The following ERC2 variants were observed in gnomAD, a reference collection of about 807,000 sequenced individuals.
The protein encoded by ERC2 is ELKS/RAB6-interacting/CAST family member 2, also known as ERC protein 2.
In ERC2, 42 loss-of-function variants were observed where a neutral mutation model predicts 114.8. That is an observed-to-expected ratio of 0.37 (90% confidence interval 0.29 to 0.47). ERC2 has a LOEUF of 0.47. ERC2 is among the 20% of genes least tolerant of loss of function. The pLI is 0.99. For synonymous variants in ERC2, 454 were observed against 425.5 expected, an observed-to-expected ratio of 1.07 and a Z score of -0.82; for missense variants, 939 against 1,150.7, an observed-to-expected ratio of 0.82 and a Z score of 2.66.
intron 6 of ERC2, among the ~76,000 whole-genome samples, chr3:56,127,984 C>CTAAAATG (rs2079977494): frequency 6.6e-6 from 1 of 151,952 alleles, no homozygotes; most frequent in Non-Finnish European, 1.5e-5. Context: ...TGTCTAAAAA[C>CTAAAATG]TAAAATGTAA....
chr3:55,639,610 T>C (rs2060092410), intron 17 of ERC2, among the ~76,000 whole-genome samples: 1 of 152,160 alleles, frequency 6.6e-6, no homozygotes, highest in Non-Finnish European at 1.5e-5. Context: ...GCCTGAAAGC[T>C]CTGTTGCTTA....
chr3:55,572,513 T>C (rs990629427), intron 17 of ERC2, among the ~76,000 whole-genome samples: 2 of 152,250 alleles, frequency 1.3e-5, no homozygotes, highest in African/African-American at 4.8e-5. Context: ...ATATCTGGAA[T>C]CTTCTAGAAA....
intron 3 of ERC2, among the ~76,000 whole-genome samples, chr3:56,291,878 T>C (rs999112038): frequency 2.4e-4 from 37 of 151,056 alleles, no homozygotes; most frequent in Middle Eastern, 3.5e-3. Flanking sequence ...GTAGAGAATA[T>C]GGAAATAGCT....
intron 7 of ERC2, among the ~76,000 whole-genome samples, chr3:56,035,305 A>G (rs920851569): frequency 2.0e-5 from 3 of 152,214 alleles, no homozygotes; most frequent in African/African-American, 4.8e-5. Flanking sequence ...CAGACCACTG[A>G]GTAAGGAAAT....
At chr3:56,262,528 T>C (rs1234703712) in intron 3 of ERC2, among the ~76,000 whole-genome samples, 1 of 152,204 alleles carries the variant, frequency 6.6e-6, no homozygotes, top group African/African-American at 2.4e-5. Context: ...TAAAAGACAG[T>C]AGTGTAAAGG....
At chr3:56,109,496 T>C (rs979325075) in intron 6 of ERC2, among the ~76,000 whole-genome samples, 1 of 152,112 alleles carries the variant, frequency 6.6e-6, no homozygotes, top group East Asian at 1.9e-4. Context: ...CATGCATGAG[T>C]CTTAAAATAG....
chr3:55,986,681 C>A (rs778351469), intron 11 of ERC2, among the ~76,000 whole-genome samples: 1 of 151,856 alleles, frequency 6.6e-6, no homozygotes, highest in Non-Finnish European at 1.5e-5. Flanking sequence ...GTCAGAAATA[C>A]GAAGTTCCGA....
intron 2 of ERC2, among the ~76,000 whole-genome samples, chr3:56,337,257 T>TA (rs562227251): frequency 2.6e-5 from 4 of 152,330 alleles, no homozygotes; most frequent in African/African-American, 9.6e-5. Context: ...CCCACAAGTA[T>TA]AAGCAGAAAG....
chr3:55,577,134 C>T (rs995478146), intron 17 of ERC2, among the ~76,000 whole-genome samples: 1 of 152,182 alleles, frequency 6.6e-6, no homozygotes, highest in Non-Finnish European at 1.5e-5. Context: ...AAAAAAATCC[C>T]CTCCTGCTCT....
intron 6 of ERC2, among the ~76,000 whole-genome samples, chr3:56,091,343 A>G (rs1000858322): frequency 2.6e-5 from 4 of 152,226 alleles, no homozygotes; most frequent in Non-Finnish European, 4.4e-5. Flanking sequence ...TGCTAGCTGG[A>G]AAAACTCAGT....
intron 14 of ERC2, among the ~76,000 whole-genome samples, chr3:55,765,650 C>T (rs1245462260): frequency 1.3e-5 from 2 of 152,094 alleles, no homozygotes; most frequent in East Asian, 3.9e-4. Flanking sequence ...GCTTTTTTCC[C>T]TGAGGTTGAG....
chr3:55,846,685 C>CTCTCTT (rs1553702552), intron 14 of ERC2, among the ~76,000 whole-genome samples: 12 of 109,790 alleles, frequency 1.1e-4, no homozygotes, highest in Non-Finnish European at 1.6e-4. Flanking sequence ...CTCTCTCTCT[C>CTCTCTT]TCTCTCTTTC....
At chr3:56,266,868 T>C (rs911771628) in intron 3 of ERC2, among the ~76,000 whole-genome samples, 10 of 152,186 alleles carry the variant, frequency 6.6e-5, no homozygotes, top group Admixed American at 5.9e-4. Flanking sequence ...ATCCTTCTTC[T>C]AGATATATAC....
intron 2 of ERC2, among the ~76,000 whole-genome samples, chr3:56,401,236 G>A (rs957374868): frequency 1.3e-5 from 2 of 152,148 alleles, no homozygotes; most frequent in African/African-American, 4.8e-5. Context: ...GAAGTAAGTA[G>A]ACTACACAGG....
intron 17 of ERC2, among the ~76,000 whole-genome samples, chr3:55,550,886 G>T (rs1327734269): frequency 6.6e-6 from 1 of 151,784 alleles, no homozygotes; most frequent in Non-Finnish European, 1.5e-5. Flanking sequence ...CGTGGTGGTG[G>T]GTGCCTGTAG....
At chr3:56,450,715 T>C (rs2062789824) in intron 1 of ERC2, among the ~76,000 whole-genome samples, 1 of 152,028 alleles carries the variant, frequency 6.6e-6, no homozygotes, top group African/African-American at 2.4e-5. Context: ...GTTGTAGTCC[T>C]AGCTACTTGG....
intron 13 of ERC2, among the ~76,000 whole-genome samples, chr3:55,941,328 T>G (rs915576691): frequency 6.6e-6 from 1 of 152,096 alleles, no homozygotes; most frequent in Non-Finnish European, 1.5e-5. Context: ...ACCAAGACAG[T>G]CTCCAAGTGC....
At chr3:56,032,354 C>A (rs2074423473) in intron 7 of ERC2, among the ~76,000 whole-genome samples, 1 of 152,098 alleles carries the variant, frequency 6.6e-6, no homozygotes, top group Non-Finnish European at 1.5e-5. Flanking sequence ...TTGGAAAGTA[C>A]CAACTCAAAA....
At chr3:56,048,597 GGA>G (rs1319800647) in intron 7 of ERC2, among the ~76,000 whole-genome samples, 31 of 152,104 alleles carry the variant, frequency 2.0e-4, no homozygotes, top group African/African-American at 7.2e-4. Context: ...AGACAGCATA[GGA>G]AAAATGTTTC....
Sources: gnomAD v4.1 joint callset for allele counts (sites outside exome capture counted in the v4.1 genomes callset) on GRCh38, gnomAD v4.1.1 for gene constraint, MANE v1.5 for transcripts, NCBI Gene and HGNC (gene_info 2026-07-23, HGNC 2026-07-21) for gene names.